Variants in PRR11 observed in about 807,000 individuals in gnomAD.
PRR11 encodes proline rich 11.
Under a neutral mutation model 45.6 loss-of-function variants are expected in PRR11, and 30 were observed. The observed-to-expected ratio is 0.66, with a 90% CI of 0.49 to 0.89. PRR11 has a LOEUF of 0.89. Among genes scored for constraint, PRR11 ranks in the 40% least tolerant of loss-of-function variants. The pLI, the probability that PRR11 is intolerant of heterozygous loss-of-function variation, is 0.00. For synonymous variants in PRR11, 128 were observed against 153.5 expected, an observed-to-expected ratio of 0.83 and a Z score of 1.23; for missense variants, 373 against 424.8, an observed-to-expected ratio of 0.88 and a Z score of 1.07.
intron 2 of PRR11, among the ~76,000 whole-genome samples, chr17:59,184,134 G>A (rs374018582): frequency 6.6e-6 from 1 of 151,970 alleles, no homozygotes; most frequent in African/African-American, 2.4e-5. Context: ...AAAAATAAAA[G>A]AGTTGGATGA....
chr17:59,179,909 T>G, intron 2 of PRR11: 3 of 1,322,988 alleles, frequency 2.3e-6, no homozygotes, highest in South Asian at 1.2e-5. Context: ...CACTGTATAA[T>G]GCTTCTGCAA....
intron 7 of PRR11, among the ~76,000 whole-genome samples, chr17:59,197,241 C>A (rs1416016503): frequency 6.7e-6 from 1 of 148,854 alleles, no homozygotes; most frequent in African/African-American, 2.5e-5. Context: ...ATAATAAAAT[C>A]TGGCAAGTTC....
At chr17:59,170,922 A>G (rs2046704508) in intron 2 of PRR11, among the ~76,000 whole-genome samples, 1 of 152,220 alleles carries the variant, frequency 6.6e-6, no homozygotes, top group African/African-American at 2.4e-5. Context: ...TGTTCTCTTG[A>G]AAACACACAG....
At position 59,181,939 on chromosome 17, in the gene PRR11, A is replaced by C. The variant is rs1226489783; in HGVS notation, c.129-3115A>C. 1.1e-3 allele frequency among the ~76,000 whole-genome samples: 168 copies of C among 147,564 alleles called. 1 individual carries two copies. Among genetic ancestry groups the C allele is most frequent in the African/African-American group, 4.1e-3 (159 of 38,690 alleles). ...CTCCTTCCCCTCCCCATTCTTCCGTATCTCTGTCCTCAGAACACTTCTTCA... is the reference window on the plus strand; with the variant it reads ...CTCCTTCCCCTCCCCATTCTTCCGTCTCTCTGTCCTCAGAACACTTCTTCA... On this transcript the variant is annotated intron_variant, in intron 2 of 9. Transcript: ENST00000262293.
intron 2 of PRR11, chr17:59,175,091 G>A (rs1301234257): frequency 1.0e-5 from 6 of 572,970 alleles, no homozygotes; most frequent in Non-Finnish European, 1.9e-5. Context: ...TTCATTTGGA[G>A]GCCTCGTTGT....
chr17:59,185,891 A>C (rs926544344), intron 4 of PRR11, among the ~76,000 whole-genome samples: 1 of 152,174 alleles, frequency 6.6e-6, no homozygotes, highest in African/African-American at 2.4e-5. Flanking sequence ...TCCTGACTAA[A>C]GTTTGGTCAA....
rs77625913 is a variant in PRR11 at position 59,168,792 on chromosome 17, C to A, written c.-5-956C>A. Among the ~76,000 whole-genome samples, 21 of 152,256 alleles carry A rather than the reference C, an allele frequency of 1.4e-4. No individual in the cohort carries two copies. In the East Asian group the frequency reaches 4.1e-3, roughly 29 times the overall value. On this transcript the variant is annotated intron_variant, in intron 1 of 9. Transcript: ENST00000262293. ...ATTGCCTATTTAATCTAGTGTCACACCACAGCGTATTAGAAAGAACATGGA... is the reference window on the plus strand; with the variant it reads ...ATTGCCTATTTAATCTAGTGTCACAACACAGCGTATTAGAAAGAACATGGA...
Position 59,202,673 on chromosome 17 carries a change from C to T in PRR11, c.*1042C>T, listed in dbSNP as rs1020098909. ...TATTCCTTATTTTTATATCTGCTGT[C>T]CACATTTATACAGCTACATAAAAAT... On this transcript the variant is annotated 3_prime_UTR_variant, in exon 10 of 10. Transcript: ENST00000262293. 6.6e-6 allele frequency: 1 copy of T among 152,180 alleles called. No individual in the cohort carries two copies. Among genetic ancestry groups the T allele is most frequent in the African/African-American group, 2.4e-5 (1 of 41,446 alleles). The allele number at this position is 152,180 out of a possible 1,614,324, so 9.4% of individuals were successfully genotyped here. A position where few individuals can be genotyped will look rare whatever the true frequency, so the allele number is the denominator to read the frequency against.
intron 2 of PRR11, among the ~76,000 whole-genome samples, chr17:59,172,385 G>A (rs1479809911): frequency 1.5e-4 from 23 of 152,234 alleles, no homozygotes; most frequent in East Asian, 1.9e-4. Flanking sequence ...GCCCTCGCTC[G>A]CTTTCCGTGC....
chr17:59,188,601 A>G (rs184003479), intron 4 of PRR11, among the ~76,000 whole-genome samples: 1 of 152,238 alleles, frequency 6.6e-6, no homozygotes, highest in African/African-American at 2.4e-5. Context: ...TATGATCTCA[A>G]GAACACACCA....
intron 2 of PRR11, among the ~76,000 whole-genome samples, chr17:59,174,511 T>C (rs1461941142): frequency 6.6e-6 from 1 of 152,220 alleles, no homozygotes; most frequent in East Asian, 1.9e-4. Context: ...GGTCTCACTC[T>C]GTTGCTCGGG....
At chr17:59,169,658 A>G (rs956692557) in intron 1 of PRR11, 90 bp from the exon 2 acceptor site, 26 of 1,219,376 alleles carry the variant, frequency 2.1e-5, no homozygotes, top group African/African-American at 3.1e-5. Context: ...TGTTCATGGT[A>G]TAATTCATTA....
intron 2 of PRR11, chr17:59,179,990 C>T: frequency 9.2e-7 from 1 of 1,088,476 alleles, no homozygotes; most frequent in Non-Finnish European, 1.3e-6. Flanking sequence ...AGACTGCTGG[C>T]TTCTCCAAGC....
chr17:59,176,463 G>T (rs1354439161), intron 2 of PRR11, among the ~76,000 whole-genome samples: 1 of 152,184 alleles, frequency 6.6e-6, no homozygotes, highest in East Asian at 1.9e-4. Flanking sequence ...ATGCAAGGGG[G>T]ACCTGAACTG....
intron 1 of PRR11, among the ~76,000 whole-genome samples, chr17:59,158,314 T>C (rs1022212054): frequency 6.6e-6 from 1 of 152,192 alleles, no homozygotes; most frequent in Non-Finnish European, 1.5e-5. Context: ...TACTGCTAAA[T>C]GCATGTGGAA....
At chr17:59,181,360 G>A (rs1030624448) in intron 2 of PRR11, among the ~76,000 whole-genome samples, 4 of 151,666 alleles carry the variant, frequency 2.6e-5, no homozygotes, top group East Asian at 1.9e-4. Context: ...TCTCCTAAGC[G>A]TCCCTCATGA....
In PRR11 at chr17:59,193,534, T is replaced by C; in HGVS notation, c.445T>C (p.Cys149Arg). Residue 149 changes from cysteine to arginine, a missense_variant, in exon 5 of 10, where the codon TGT becomes CGT. Cys to Arg is a radical substitution (Grantham distance 180). Transcript: ENST00000262293. ...TTCCTGTCCAAGCTGTGGTCAAACA[T>C]GTCACATGAGTGGTAAACTTACAAA... ...SSSCPSCGQTCHMSGKLTNVP... is the reference protein window; with the variant it reads ...SSSCPSCGQTRHMSGKLTNVP... 6.2e-7 allele frequency: 1 copy of C among 1,614,198 alleles called. No individual in the cohort carries two copies. The highest frequency in any genetic ancestry group is 8.5e-7 in the Non-Finnish European group (1 of 1,180,024).
At position 59,203,645 on chromosome 17, in the gene PRR11, G is replaced by A. The variant is rs1462341851; in HGVS notation, c.*2014G>A. 2 of 152,122 alleles carry A rather than the reference G, an allele frequency of 1.3e-5. No homozygotes were observed. The highest frequency in any genetic ancestry group is 2.9e-5 in the Non-Finnish European group (2 of 68,046). 9.4% of individuals were successfully genotyped at this position (152,122 alleles called of 1,614,324 possible). ...AGGCCGAGGCAGGCGGATTACTTGA[G>A]GTCAGGACTTCGAAACCAGCCTGGC... On this transcript the variant is annotated 3_prime_UTR_variant, in exon 10 of 10. Coordinates refer to ENST00000262293, the MANE Select transcript of PRR11 (RefSeq NM_018304.4).
In PRR11 at chr17:59,182,539, G is replaced by A. The variant is rs1420523690; in HGVS notation, c.129-2515G>A. On this transcript the variant is annotated intron_variant, in intron 2 of 9. Coordinates refer to ENST00000262293, the MANE Select transcript of PRR11 (RefSeq NM_018304.4). ...CCCAAATAGCTGGGATTACAGGCGC[G>A]CACCACTACCACCTGGCTAATTTTT... Among the ~76,000 whole-genome samples the A allele has an allele frequency of 4.7e-5, 7 of 149,696 alleles. No homozygotes were observed. In the East Asian group the frequency reaches 8.1e-4, roughly 17 times the overall value.
Sources: allele counts gnomAD v4.1 joint callset (sites outside exome capture counted in the v4.1 genomes callset), GRCh38; gene constraint gnomAD v4.1.1; transcripts MANE v1.5; gene names NCBI Gene and HGNC (gene_info 2026-07-23, HGNC 2026-07-21).